KCNH7: variants seen among roughly 807,000 people sequenced by gnomAD.
KCNH7 encodes the protein potassium voltage-gated channel subfamily H member 7, also known as voltage-gated inwardly rectifying potassium channel KCNH7.
In KCNH7, 49 loss-of-function variants were observed where a neutral mutation model predicts 120.8. The observed-to-expected ratio is 0.41, with a 90% CI of 0.32 to 0.51. KCNH7 has a LOEUF of 0.51. Ranked by LOEUF, KCNH7 falls within the 20% of genes least tolerant of loss-of-function variation. The pLI is 0.38. For missense variants in KCNH7, 1,097 were observed against 1,446.6 expected (o/e 0.76, Z 3.92); for synonymous variants, 547 against 516.1 (o/e 1.06, Z -0.81).
At chr2:162,452,589 C>T (rs1688809378) in intron 6 of KCNH7, among the ~76,000 whole-genome samples, 2 of 151,980 alleles carry the variant, frequency 1.3e-5, no homozygotes, top group Non-Finnish European at 2.9e-5. Flanking sequence ...AAATCATGTT[C>T]CAAGATACTC....
At chr2:162,780,643 A>AT (rs1334045222) in intron 2 of KCNH7, among the ~76,000 whole-genome samples, 2 of 152,072 alleles carry the variant, frequency 1.3e-5, no homozygotes, top group Admixed American at 6.6e-5. Flanking sequence ...AATTGAACTA[A>AT]TTTTTTCTCA....
At chr2:162,402,771 G>T (rs1387298429) in intron 9 of KCNH7, among the ~76,000 whole-genome samples, 2 of 151,666 alleles carry the variant, frequency 1.3e-5, no homozygotes, top group Non-Finnish European at 2.9e-5. Context: ...AGTAAAACTT[G>T]GTATAGAAAA....
intron 2 of KCNH7, among the ~76,000 whole-genome samples, chr2:162,633,359 C>T (rs1683833681): frequency 6.6e-6 from 1 of 151,922 alleles, no homozygotes; most frequent in Admixed American, 6.6e-5. Flanking sequence ...TTCCTAACTG[C>T]AGTACTCTAG....
chr2:162,747,852 A>T (rs934963889), intron 2 of KCNH7, among the ~76,000 whole-genome samples: 1 of 152,188 alleles, frequency 6.6e-6, no homozygotes, highest in Non-Finnish European at 1.5e-5. Flanking sequence ...GAACTACTTA[A>T]AGTACTTTCT....
chr2:162,447,393 AGT>A (rs1320045291), intron 6 of KCNH7, among the ~76,000 whole-genome samples: 1 of 152,112 alleles, frequency 6.6e-6, no homozygotes, highest in Non-Finnish European at 1.5e-5. Flanking sequence ...CTACCCAGTA[AGT>A]GTAATTTATT....
At chr2:162,668,179 GA>G (rs1388306550) in intron 2 of KCNH7, among the ~76,000 whole-genome samples, 1 of 152,162 alleles carries the variant, frequency 6.6e-6, no homozygotes, top group Non-Finnish European at 1.5e-5. Flanking sequence ...GGGAAAGGAA[GA>G]ATCTAGGAAG....
chr2:162,399,144 CA>C (rs770990245), intron 10 of KCNH7, among the ~76,000 whole-genome samples: 60 of 151,706 alleles, frequency 4.0e-4, no homozygotes, highest in East Asian at 2.7e-3. Flanking sequence ...GGATAATCCA[CA>C]GGAGAAAAAT....
chr2:162,657,527 A>G (rs1050457357), intron 2 of KCNH7, among the ~76,000 whole-genome samples: 1 of 152,078 alleles, frequency 6.6e-6, no homozygotes. Flanking sequence ...TCAGCTTTTT[A>G]TTGCTGAATA....
At chr2:162,628,607 C>T (rs1362135318) in intron 2 of KCNH7, among the ~76,000 whole-genome samples, 1 of 152,038 alleles carries the variant, frequency 6.6e-6, no homozygotes, top group East Asian at 1.9e-4. Flanking sequence ...TTCTGTCCTT[C>T]AATAGGCCCC....
At position 162,371,937 on chromosome 2, in the gene KCNH7, A is replaced by G; in HGVS notation, c.3483T>C (p.Thr1161=). ...SLELHLRQRK[T]YVHPIRHPSL... ...AAGGATGCCTAATTGGATGAACGTA[A>G]GTTTTTCTTTGCCGCAGGTGAAGCT... Residue 1161 remains threonine, a synonymous_variant, in exon 16 of 16, where the codon ACT becomes ACC. Coordinates refer to ENST00000332142, the MANE Select transcript of KCNH7 (RefSeq NM_033272.4). 1.9e-6 allele frequency: 3 copies of G among 1,613,916 alleles called. No individual in the cohort carries two copies. The highest frequency in any genetic ancestry group is 2.5e-6 in the Non-Finnish European group (3 of 1,179,902).
At chr2:162,709,975 T>C (rs138260494) in intron 2 of KCNH7, among the ~76,000 whole-genome samples, 7 of 152,114 alleles carry the variant, frequency 4.6e-5, no homozygotes, top group Non-Finnish European at 1.0e-4. Context: ...AGAGTAGATA[T>C]TGAAGGGAAC....
chr2:162,494,497 T>C (rs552518946), intron 6 of KCNH7, among the ~76,000 whole-genome samples: 1 of 152,302 alleles, frequency 6.6e-6, no homozygotes, highest in Admixed American at 6.5e-5. Context: ...CTTTAGGTTA[T>C]ATTTTAGTGA....
At chr2:162,509,753 C>A (rs941190700) in intron 5 of KCNH7, among the ~76,000 whole-genome samples, 4 of 151,558 alleles carry the variant, frequency 2.6e-5, no homozygotes, top group African/African-American at 9.6e-5. Flanking sequence ...GTATTAGATT[C>A]ATTTATTTCA....
chr2:162,535,497 TA>T (rs995091696), intron 3 of KCNH7, among the ~76,000 whole-genome samples: 2 of 151,546 alleles, frequency 1.3e-5, no homozygotes, highest in African/African-American at 4.8e-5. Flanking sequence ...AGGAGCAAAG[TA>T]AACAAGTGAG....
chr2:162,519,416 A>C (rs1264858864), intron 3 of KCNH7, among the ~76,000 whole-genome samples: 1 of 151,856 alleles, frequency 6.6e-6, no homozygotes, highest in Non-Finnish European at 1.5e-5. Flanking sequence ...TCAAAAAAAC[A>C]AAAGCTTATA....
intron 2 of KCNH7, among the ~76,000 whole-genome samples, chr2:162,551,363 AAAC>A (rs1692661976): frequency 6.6e-6 from 1 of 152,218 alleles, no homozygotes. Context: ...ATGAATGAAA[AAAC>A]AAGCAGTAAT....
At chr2:162,723,691 T>C (rs1687411979) in intron 2 of KCNH7, among the ~76,000 whole-genome samples, 1 of 152,192 alleles carries the variant, frequency 6.6e-6, no homozygotes, top group Non-Finnish European at 1.5e-5. Context: ...TGTACATATA[T>C]GAGGGAAATT....
At chr2:162,577,291 G>GTCTGTCTA (rs375524449) in intron 2 of KCNH7, among the ~76,000 whole-genome samples, 19 of 127,338 alleles carry the variant, frequency 1.5e-4, no homozygotes, top group African/African-American at 4.4e-4. Context: ...AGATCTATCT[G>GTCTGTCTA]TCTATCTATC....
chr2:162,771,533 G>T (rs305689), intron 2 of KCNH7, among the ~76,000 whole-genome samples: 60,872 of 151,646 alleles, frequency 0.4, 13,115 homozygotes, highest in African/African-American at 0.56. Flanking sequence ...ATTCTTATTT[G>T]TATACATTTT....
Sources: allele counts gnomAD v4.1 joint callset (sites outside exome capture counted in the v4.1 genomes callset), GRCh38; gene constraint gnomAD v4.1.1; transcripts MANE v1.5; gene names NCBI Gene and HGNC (gene_info 2026-07-23, HGNC 2026-07-21).